DNAJC1: variants seen among roughly 807,000 people sequenced by gnomAD.
DNAJC1 encodes dnaJ homolog subfamily C member 1.
A neutral mutation model predicts 76.6 loss-of-function variants in DNAJC1; 58 were observed. The observed-to-expected ratio is 0.76, with a 90% CI of 0.61 to 0.94. DNAJC1 has a LOEUF of 0.94. Ranked by LOEUF, DNAJC1 falls within the 40% of genes least tolerant of loss-of-function variation. DNAJC1 has a pLI of 0.00. For synonymous variants in DNAJC1, 258 were observed against 267.9 expected (o/e 0.96, Z 0.36); for missense variants, 689 against 677.3 (o/e 1.02, Z -0.19).
chr10:21,803,000 T>C (rs181641526), intron 9 of DNAJC1, among the ~76,000 whole-genome samples: 5 of 152,306 alleles, frequency 3.3e-5, no homozygotes, highest in South Asian at 4.1e-4. Flanking sequence ...AATTAAAATA[T>C]ACTCGGTGTC....
intron 6 of DNAJC1, among the ~76,000 whole-genome samples, chr10:21,910,282 A>G (rs1836833221): frequency 6.6e-6 from 1 of 151,906 alleles, no homozygotes; most frequent in African/African-American, 2.4e-5. Context: ...CACTCGGCTA[A>G]TATTTATATT....
At chr10:21,813,030 C>T (rs899750675) in intron 8 of DNAJC1, among the ~76,000 whole-genome samples, 1 of 133,562 alleles carries the variant, frequency 7.5e-6, no homozygotes. Flanking sequence ...CACACATACA[C>T]ACACACACAC....
intron 8 of DNAJC1, among the ~76,000 whole-genome samples, chr10:21,837,643 C>A: frequency 6.6e-6 from 1 of 151,862 alleles, no homozygotes; most frequent in East Asian, 2.0e-4. Flanking sequence ...GGCAGCCACC[C>A]TGTCTAGGAA....
At chr10:21,757,774 C>G (rs1472365179) in intron 11 of DNAJC1, among the ~76,000 whole-genome samples, 3 of 152,202 alleles carry the variant, frequency 2.0e-5, no homozygotes, top group Admixed American at 6.5e-5. Context: ...TCCGGGACAG[C>G]AGGAAGCTCA....
intron 1 of DNAJC1, among the ~76,000 whole-genome samples, chr10:21,957,158 G>C (rs1837702345): frequency 6.6e-6 from 1 of 151,990 alleles, no homozygotes; most frequent in African/African-American, 2.4e-5. Flanking sequence ...CCAAAGTGCT[G>C]GGATTACAGG....
At chr10:21,794,266 C>CAA (rs542182948) in intron 9 of DNAJC1, among the ~76,000 whole-genome samples, 383 of 51,980 alleles carry the variant, frequency 7.4e-3, no homozygotes, top group African/African-American at 0.02. Context: ...TTCCTATCTT[C>CAA]AAAAAAAAAA....
chr10:21,942,821 A>AAG (rs1554898872), intron 1 of DNAJC1, among the ~76,000 whole-genome samples: 9 of 150,546 alleles, frequency 6.0e-5, no homozygotes, highest in Non-Finnish European at 1.0e-4. Flanking sequence ...AAAAAAAAAA[A>AAG]AAAGAAAGAA....
intron 1 of DNAJC1, among the ~76,000 whole-genome samples, chr10:21,931,949 C>T (rs1203772663): frequency 6.6e-6 from 1 of 152,050 alleles, no homozygotes; most frequent in East Asian, 1.9e-4. Flanking sequence ...CTTTGGCAAG[C>T]TAACCATGAA....
At chr10:21,929,621 C>T (rs10430588) in intron 1 of DNAJC1, among the ~76,000 whole-genome samples, 3 of 152,256 alleles carry the variant, frequency 2.0e-5, no homozygotes, top group South Asian at 4.1e-4. Context: ...TGGAATCTCA[C>T]TTTCACATGT....
intron 1 of DNAJC1, among the ~76,000 whole-genome samples, chr10:21,978,042 T>A (rs1446498289): frequency 6.6e-6 from 1 of 152,164 alleles, no homozygotes; most frequent in African/African-American, 2.4e-5. Context: ...GCATTTGACT[T>A]ATTTTGTAAT....
intron 8 of DNAJC1, among the ~76,000 whole-genome samples, chr10:21,810,576 A>C (rs1180975131): frequency 6.6e-6 from 1 of 152,192 alleles, no homozygotes; most frequent in Non-Finnish European, 1.5e-5. Flanking sequence ...TGGCACTAAC[A>C]AATTGCCTTT....
At chr10:21,822,975 C>T (rs1472636408) in intron 8 of DNAJC1, among the ~76,000 whole-genome samples, 3 of 151,096 alleles carry the variant, frequency 2.0e-5, no homozygotes, top group Non-Finnish European at 4.4e-5. Context: ...CTACCACGGT[C>T]GGTAGTTTCA....
intron 8 of DNAJC1, among the ~76,000 whole-genome samples, chr10:21,810,150 G>C (rs371698438): frequency 1.3e-5 from 2 of 152,066 alleles, no homozygotes; most frequent in Non-Finnish European, 2.9e-5. Context: ...ACACAATTCC[G>C]TTCAGAATAG....
chr10:21,910,721 C>A (rs769424246), intron 6 of DNAJC1, among the ~76,000 whole-genome samples: 2 of 151,266 alleles, frequency 1.3e-5, no homozygotes, highest in African/African-American at 2.4e-5. Context: ...GGGCTTAATA[C>A]CTAGGTGATG....
At chr10:21,813,924 T>C (rs1835032573) in intron 8 of DNAJC1, among the ~76,000 whole-genome samples, 1 of 152,204 alleles carries the variant, frequency 6.6e-6, no homozygotes. Context: ...CTGTGAGTAA[T>C]AAACTGCCCT....
intron 9 of DNAJC1, among the ~76,000 whole-genome samples, chr10:21,789,030 C>T (rs1260254804): frequency 1.3e-5 from 2 of 151,414 alleles, no homozygotes; most frequent in Non-Finnish European, 2.9e-5. Flanking sequence ...GGACTCCAGC[C>T]CCACAGCTGC....
intron 1 of DNAJC1, among the ~76,000 whole-genome samples, chr10:21,929,972 C>T (rs1300060734): frequency 2.6e-5 from 4 of 152,106 alleles, no homozygotes; most frequent in Non-Finnish European, 5.9e-5. Context: ...AATACACTGT[C>T]AAGTAGGGTT....
At chr10:21,764,028 A>G (rs903048635) in intron 10 of DNAJC1, among the ~76,000 whole-genome samples, 1 of 152,252 alleles carries the variant, frequency 6.6e-6, no homozygotes, top group African/African-American at 2.4e-5. Context: ...AAAGATCAAC[A>G]GAAATTCAAA....
intron 8 of DNAJC1, among the ~76,000 whole-genome samples, chr10:21,845,710 AT>A (rs1319537118): frequency 6.6e-6 from 1 of 152,074 alleles, no homozygotes; most frequent in African/African-American, 2.4e-5. Context: ...TAATTCAATT[AT>A]TTTTTTATTG....
Sources: gnomAD v4.1 joint callset for allele counts (sites outside exome capture counted in the v4.1 genomes callset) on GRCh38, gnomAD v4.1.1 for gene constraint, MANE v1.5 for transcripts, NCBI Gene and HGNC (gene_info 2026-07-23, HGNC 2026-07-21) for gene names.